Variants in PTPRT observed in about 807,000 individuals in gnomAD.
PTPRT encodes protein tyrosine phosphatase receptor type T, also known as receptor-type tyrosine-protein phosphatase T.
In PTPRT, 56 loss-of-function variants were observed where a neutral mutation model predicts 176.8. The ratio of observed to expected loss-of-function variants is 0.32; its 90% CI spans 0.26 to 0.40. The LOEUF is 0.40. PTPRT is among the 10% of genes least tolerant of loss of function. The pLI is 1.00. For missense variants in PTPRT, 1,540 were observed against 1,908.2 expected (o/e 0.81, Z 3.60); for synonymous variants, 783 against 739.0 (o/e 1.06, Z -0.96).
intron 7 of PTPRT, among the ~76,000 whole-genome samples, chr20:42,589,597 A>C (rs1345289991): frequency 6.6e-6 from 1 of 152,162 alleles, no homozygotes; most frequent in Non-Finnish European, 1.5e-5. Flanking sequence ...TATGATAAAG[A>C]ACTCAAAATG....
the PTPRT span, among the ~76,000 whole-genome samples, chr20:42,044,673 T>C: frequency 6.6e-6 from 1 of 152,240 alleles, no homozygotes; most frequent in African/African-American, 2.4e-5. Flanking sequence ...CTAAGTACTT[T>C]ATCTGTAAGA....
At chr20:42,872,556 C>T (rs550151455) in intron 2 of PTPRT, among the ~76,000 whole-genome samples, 3 of 152,252 alleles carry the variant, frequency 2.0e-5, no homozygotes, top group Middle Eastern at 3.4e-3. Flanking sequence ...GACAGACAGA[C>T]GAATGGAGGG....
intron 1 of PTPRT, among the ~76,000 whole-genome samples, chr20:43,061,082 A>AAATG (rs1291932958): frequency 8.8e-6 from 1 of 113,994 alleles, no homozygotes; most frequent in African/African-American, 3.1e-5. Context: ...ATGGGCGGAT[A>AAATG]AATGAATGGA....
chr20:42,778,464 A>G (rs542393702), intron 4 of PTPRT, among the ~76,000 whole-genome samples: 16 of 152,278 alleles, frequency 1.1e-4, no homozygotes, highest in South Asian at 2.1e-4. Context: ...CTAGAAAGCT[A>G]AAGTCCAAGC....
chr20:42,664,284 C>T (rs1455042467), intron 7 of PTPRT, among the ~76,000 whole-genome samples: 1 of 152,058 alleles, frequency 6.6e-6, no homozygotes, highest in Non-Finnish European at 1.5e-5. Context: ...TTTTATCTCC[C>T]TTTTCTCAGT....
intron 1 of PTPRT, among the ~76,000 whole-genome samples, chr20:43,011,152 A>G (rs1985100526): frequency 6.6e-6 from 1 of 152,074 alleles, no homozygotes; most frequent in African/African-American, 2.4e-5. Flanking sequence ...CATTCATTCA[A>G]AATCATTGAA....
At chr20:42,048,394 C>A in the PTPRT span, among the ~76,000 whole-genome samples, 11 of 152,234 alleles carry the variant, frequency 7.2e-5, no homozygotes, top group East Asian at 1.4e-3. Context: ...ACTAGGTGAC[C>A]AACAGAGTAG....
At chr20:42,170,254 C>T (rs931080204) in intron 16 of PTPRT, among the ~76,000 whole-genome samples, 2 of 152,230 alleles carry the variant, frequency 1.3e-5, no homozygotes, top group Non-Finnish European at 2.9e-5. Context: ...ACTTGACTTC[C>T]TGTTCTAGAA....
intron 1 of PTPRT, among the ~76,000 whole-genome samples, chr20:43,065,817 TCTG>T (rs1237748094): frequency 5.3e-5 from 8 of 152,158 alleles, no homozygotes; most frequent in Admixed American, 5.2e-4. Flanking sequence ...CAGGCTGACT[TCTG>T]GTTTCCTACA....
chr20:42,333,199 A>G (rs1208226331), intron 11 of PTPRT, among the ~76,000 whole-genome samples: 1 of 152,230 alleles, frequency 6.6e-6, no homozygotes, highest in Non-Finnish European at 1.5e-5. Flanking sequence ...GATTAAACAC[A>G]GAAACAGATA....
At chr20:42,144,066 G>A (rs1399150339) in intron 17 of PTPRT, among the ~76,000 whole-genome samples, 1 of 152,214 alleles carries the variant, frequency 6.6e-6, no homozygotes, top group Non-Finnish European at 1.5e-5. Flanking sequence ...GCTTACAGGA[G>A]GAAGCCATAA....
At chr20:42,525,345 G>A (rs937241553) in intron 7 of PTPRT, among the ~76,000 whole-genome samples, 1 of 152,084 alleles carries the variant, frequency 6.6e-6, no homozygotes, top group Admixed American at 6.6e-5. Context: ...TTCACTGAGG[G>A]TATATGATTT....
intron 16 of PTPRT, among the ~76,000 whole-genome samples, chr20:42,189,104 C>A (rs1010352093): frequency 2.6e-5 from 4 of 152,160 alleles, no homozygotes; most frequent in African/African-American, 7.2e-5. Context: ...TCCAAGGAGG[C>A]TCCAGCTACC....
intron 1 of PTPRT, among the ~76,000 whole-genome samples, chr20:43,046,644 T>C (rs1047331894): frequency 6.6e-6 from 1 of 152,060 alleles, no homozygotes; most frequent in Non-Finnish European, 1.5e-5. Context: ...AGTTCTCCAG[T>C]GGCTTCGCCT....
intron 1 of PTPRT, among the ~76,000 whole-genome samples, chr20:43,161,224 T>G (rs1321415937): frequency 6.6e-6 from 1 of 152,242 alleles, no homozygotes; most frequent in Non-Finnish European, 1.5e-5. Flanking sequence ...AAAATTTTGC[T>G]GATTTCTGTG....
intron 1 of PTPRT, among the ~76,000 whole-genome samples, chr20:42,902,298 A>G (rs2079416174): frequency 6.6e-6 from 1 of 152,194 alleles, no homozygotes; most frequent in African/African-American, 2.4e-5. Flanking sequence ...TTCCTGGAAC[A>G]GTGAGTACAC....
chr20:42,467,307 C>T (rs1017265222), intron 8 of PTPRT, among the ~76,000 whole-genome samples: 3 of 152,156 alleles, frequency 2.0e-5, no homozygotes, highest in African/African-American at 7.2e-5. Flanking sequence ...AAAGGTGCCA[C>T]ATTTACAGTG....
intron 13 of PTPRT, among the ~76,000 whole-genome samples, chr20:42,263,062 G>T (rs998654131): frequency 6.6e-6 from 1 of 152,156 alleles, no homozygotes; most frequent in Non-Finnish European, 1.5e-5. Context: ...TGATCAGTTT[G>T]AACGGGTTAC....
intron 15 of PTPRT, among the ~76,000 whole-genome samples, chr20:42,202,282 T>C (rs1281799761): frequency 1.3e-5 from 2 of 152,190 alleles, no homozygotes; most frequent in Non-Finnish European, 2.9e-5. Flanking sequence ...GAAAGTTTCT[T>C]TATACGTCTC....
Sources: allele counts gnomAD v4.1 joint callset (sites outside exome capture counted in the v4.1 genomes callset), GRCh38; gene constraint gnomAD v4.1.1; transcripts MANE v1.5; gene names NCBI Gene and HGNC (gene_info 2026-07-23, HGNC 2026-07-21).